The following ZNF121 variants were observed in gnomAD, a reference collection of about 807,000 sequenced individuals.
ZNF121 encodes the protein zinc finger protein 121.
In ZNF121, 1 loss-of-function variant was observed where a neutral mutation model predicts 2.4. The ratio of observed to expected loss-of-function variants is 0.41; its 90% confidence interval spans 0.15 to 1.94. ZNF121 has a LOEUF of 1.94. Among genes scored for constraint, ZNF121 ranks in the 30% most tolerant of loss-of-function variants. The pLI, the probability that ZNF121 is intolerant of heterozygous loss-of-function variation, is 0.30. For missense variants in ZNF121, 369 were observed against 466.3 expected, an observed-to-expected ratio of 0.79 and a Z score of 1.92; for synonymous variants, 173 against 158.6, an observed-to-expected ratio of 1.09 and a Z score of -0.68.
rs1196883247 is a variant in ZNF121, at chr19:9,561,702, CAT to C, written c.*4236_*4237del. ...AAGAGCTTGAGACCAGTCTGGGCAA[CAT>C]AGTGAGACCTCGGCTCTACGAATAA... On this transcript the variant is annotated 3_prime_UTR_variant, in exon 4 of 4. Transcript: ENST00000320451. 4 of 152,066 alleles carry C rather than the reference CAT, an allele frequency of 2.6e-5. No homozygotes were observed. The highest frequency in any genetic ancestry group is 5.9e-5 in the Non-Finnish European group (4 of 68,062). 9.4% of individuals were successfully genotyped at this position (152,066 alleles called of 1,614,324 possible). A position where few individuals can be genotyped will look rare whatever the true frequency, so the allele number is the denominator to read the frequency against.
intron 1 of ZNF121, 112 bp from the exon 2 acceptor site, chr19:9,569,194 G>T (rs2074155856): frequency 6.6e-6 from 1 of 152,184 alleles, no homozygotes; most frequent in Non-Finnish European, 1.5e-5. Context: ...TATTTTAAAA[G>T]AGCTCAAATT....
intron 1 of ZNF121, among the ~76,000 whole-genome samples, chr19:9,570,748 G>T (rs892621792): frequency 1.1e-3 from 163 of 151,888 alleles, no homozygotes; most frequent in Non-Finnish European, 2.9e-4. Flanking sequence ...TTGCGAGGGG[G>T]GGGGGTATTT....
rs947050460 is a variant in ZNF121, at chr19:9,565,561, T to G, written c.*379A>C. The G allele has an allele frequency of 1.3e-5, 2 of 151,608 alleles. No homozygotes were observed. The highest frequency in any genetic ancestry group is 2.9e-5 in the Non-Finnish European group (2 of 68,054). The allele number at this position is 151,608 out of a possible 1,614,324, so 9.4% of individuals were successfully genotyped here. A position where few individuals can be genotyped will look rare whatever the true frequency, so the allele number is the denominator to read the frequency against. On this transcript the variant is annotated 3_prime_UTR_variant, in exon 4 of 4. Coordinates refer to ENST00000320451, the MANE Select transcript of ZNF121 (RefSeq NM_001008727.5). The stretch of plus-strand genomic sequence containing the variant: ...TGACGGCACCTGTAATCCAAGCTAC[T>G]TGAAGGCTGAGGCAGAATCGCCTGA...
intron 2 of ZNF121, 150 bp from the exon 3 acceptor site, chr19:9,568,325 T>A: frequency 2.4e-6 from 1 of 414,786 alleles, no homozygotes; most frequent in East Asian, 3.5e-5. Flanking sequence ...AGTTTATCCA[T>A]GACGAACATT....
intron 1 of ZNF121, among the ~76,000 whole-genome samples, chr19:9,581,380 T>A (rs2074247335): frequency 6.6e-6 from 1 of 151,694 alleles, no homozygotes; most frequent in Admixed American, 6.6e-5. Context: ...AACACCTGAT[T>A]TTTTTTAGAT....
In ZNF121 at chr19:9,562,161, ATTTTTTTTTT is replaced by A. The variant is rs34814047; in HGVS notation, c.*3769_*3778del. ...ATTATACTTACTGTGGTGCTGTGTG[ATTTTTTTTTT>A]TTTTTTTTTTTGAGAAGGAATCTCA... On this transcript the variant is annotated 3_prime_UTR_variant, in exon 4 of 4. Transcript: ENST00000320451. 9.3e-6 allele frequency: 1 copy of A among 108,078 alleles called. No individual in the cohort carries two copies. Among genetic ancestry groups the A allele is most frequent in the Non-Finnish European group, 1.9e-5 (1 of 53,874 alleles). The allele number at this position is 108,078 out of a possible 1,614,324, so 6.7% of individuals were successfully genotyped here.
chr19:9,569,967 TG>T (rs991276409), intron 1 of ZNF121, among the ~76,000 whole-genome samples: 1 of 149,144 alleles, frequency 6.7e-6, no homozygotes, highest in Non-Finnish European at 1.5e-5. Flanking sequence ...GAGAGATTTT[TG>T]CTCTGTCCCC....
At chr19:9,576,178 T>C (rs2074208767) in intron 1 of ZNF121, among the ~76,000 whole-genome samples, 2 of 152,070 alleles carry the variant, frequency 1.3e-5, no homozygotes, top group African/African-American at 4.8e-5. Flanking sequence ...GGAATAAAAC[T>C]AGAAATCACT....
Position 9,583,489 on chromosome 19 carries a change from C to CTTTTTTT in ZNF121, c.-160+965_-160+971dup, listed in dbSNP as rs1185311747. On this transcript the variant is annotated intron_variant, in intron 1 of 3. Coordinates refer to ENST00000320451, the MANE Select transcript of ZNF121 (RefSeq NM_001008727.5). ...TACAGGGGACTGCCACCAAGCCTGG[C>CTTTTTTT]TTTTTTTTTTTTTTTTTTTTTTTTG... 5.2e-3 allele frequency among the ~76,000 whole-genome samples: 291 copies of CTTTTTTT among 56,402 alleles called. 36 individuals carry two copies. Among genetic ancestry groups the CTTTTTTT allele is most frequent in the African/African-American group, 0.022 (210 of 9,512 alleles). The allele number at this position is 56,402 out of a possible 152,430, so 37.0% of individuals were successfully genotyped here.
intron 1 of ZNF121, among the ~76,000 whole-genome samples, chr19:9,573,662 A>G (rs1394595661): frequency 6.6e-6 from 1 of 152,246 alleles, no homozygotes; most frequent in African/African-American, 2.4e-5. Context: ...GATGACACCA[A>G]ACAGATTCAA....
In ZNF121 at chr19:9,574,232, G is replaced by A. The variant is rs543070248; in HGVS notation, c.-159-5150C>T. Reference sequence around the variant, plus strand: ...GCGATCTCGGCTCACTGCAACCTCCGCCTCCCAGGTTCAAGCGATTCTCCT... The same window carrying A: ...GCGATCTCGGCTCACTGCAACCTCCACCTCCCAGGTTCAAGCGATTCTCCT... On this transcript the variant is annotated intron_variant, in intron 1 of 3. Coordinates refer to ENST00000320451, the MANE Select transcript of ZNF121 (RefSeq NM_001008727.5). 1.4e-4 allele frequency among the ~76,000 whole-genome samples: 22 copies of A among 151,876 alleles called. No individual in the cohort carries two copies. In the South Asian group the frequency reaches 1.7e-3, roughly 12 times the overall value.
intron 1 of ZNF121, among the ~76,000 whole-genome samples, chr19:9,583,282 T>C (rs973088702): frequency 2.0e-5 from 3 of 148,544 alleles, no homozygotes; most frequent in Non-Finnish European, 3.0e-5. Context: ...TGTGGGGGGG[T>C]ACAGACCTAG....
Position 9,568,157 on chromosome 19 carries a change from T to C in ZNF121, c.-60A>G, listed in dbSNP as rs1490573717. ...AAAATGTTGTTGAGGTGCTGACACT[T>C]TGGTTTTAACTTGCCATTCTGAAGT... On this transcript the variant is annotated 5_prime_UTR_variant, in exon 3 of 4. Coordinates refer to ENST00000320451, the MANE Select transcript of ZNF121 (RefSeq NM_001008727.5). The C allele has an allele frequency of 6.7e-7, 1 of 1,497,300 alleles. No homozygotes were observed. Among genetic ancestry groups the C allele is most frequent in the Non-Finnish European group, 9.0e-7 (1 of 1,107,392 alleles). 92.8% of individuals were successfully genotyped at this position (1,497,300 alleles called of 1,614,324 possible). A position where few individuals can be genotyped will look rare whatever the true frequency, so the allele number is the denominator to read the frequency against.
Position 9,563,673 on chromosome 19 carries a change from C to T in ZNF121, c.*2267G>A, listed in dbSNP as rs2074113495. Reference sequence around the variant, plus strand: ...CTCTTGACCTCAAGTGATCCTCCAACCTCAGCCTCCCAAAGCACTGGAATT... The same window carrying T: ...CTCTTGACCTCAAGTGATCCTCCAATCTCAGCCTCCCAAAGCACTGGAATT... On this transcript the variant is annotated 3_prime_UTR_variant, in exon 4 of 4. Coordinates refer to ENST00000320451, the MANE Select transcript of ZNF121 (RefSeq NM_001008727.5). 1.3e-5 allele frequency: 2 copies of T among 152,224 alleles called. No homozygotes were observed. Among genetic ancestry groups the T allele is most frequent in the African/African-American group, 4.8e-5 (2 of 41,456 alleles). 9.4% of individuals were successfully genotyped at this position (152,224 alleles called of 1,614,324 possible).
intron 1 of ZNF121, among the ~76,000 whole-genome samples, chr19:9,569,476 G>A (rs941268673): frequency 1.1e-4 from 17 of 151,722 alleles, no homozygotes; most frequent in South Asian, 2.1e-4. Flanking sequence ...CCATTAAAAC[G>A]TGTATTCAAA....
At chr19:9,581,271 G>T (rs2074246583) in intron 1 of ZNF121, among the ~76,000 whole-genome samples, 1 of 152,140 alleles carries the variant, frequency 6.6e-6, no homozygotes, top group South Asian at 2.1e-4. Context: ...TGAACAAAGG[G>T]GCATGAGAGC....
Position 9,581,974 on chromosome 19 carries a change from T to C in ZNF121, c.-160+2487A>G, listed in dbSNP as rs553000515. On this transcript the variant is annotated intron_variant, in intron 1 of 3. Coordinates refer to ENST00000320451, the MANE Select transcript of ZNF121 (RefSeq NM_001008727.5). Reference sequence around the variant, plus strand: ...TACACTCAAATTGTTCACCATAAAATGTATTTACCTGAGGTGAAAGAAAAC... The same window carrying C: ...TACACTCAAATTGTTCACCATAAAACGTATTTACCTGAGGTGAAAGAAAAC... Among the ~76,000 whole-genome samples the C allele has an allele frequency of 6.6e-5, 10 of 152,272 alleles. No homozygotes were observed. The East Asian group carries it at 1.9e-3, about 29-fold the overall frequency.
chr19:9,571,862 C>A (rs1281725509), intron 1 of ZNF121, among the ~76,000 whole-genome samples: 1 of 152,174 alleles, frequency 6.6e-6, no homozygotes, highest in Non-Finnish European at 1.5e-5. Flanking sequence ...CTCAAGCAAT[C>A]CTCCTGCCTC....
At chr19:9,583,274 T>TC (rs2074260976) in intron 1 of ZNF121, among the ~76,000 whole-genome samples, 1 of 150,922 alleles carries the variant, frequency 6.6e-6, no homozygotes, top group Admixed American at 6.6e-5. Context: ...TGAAGCTCTG[T>TC]GGGGGGGTAC....
Sources: allele counts gnomAD v4.1 joint callset (sites outside exome capture counted in the v4.1 genomes callset), GRCh38; gene constraint gnomAD v4.1.1; transcripts MANE v1.5; gene names NCBI Gene and HGNC (gene_info 2026-07-23, HGNC 2026-07-21).